The following PAX7 variants were observed in gnomAD, a reference collection of about 807,000 sequenced individuals.
PAX7 encodes paired box 7.
A neutral mutation model predicts 50.7 loss-of-function variants in PAX7; 18 were observed. The ratio of observed to expected loss-of-function variants is 0.36; its 90% confidence interval spans 0.25 to 0.53. PAX7 has a LOEUF of 0.53. Among genes scored for constraint, PAX7 ranks in the 20% least tolerant of loss-of-function variants. The pLI is 0.93. For synonymous variants in PAX7, 310 were observed against 290.4 expected (o/e 1.07, Z -0.69); for missense variants, 644 against 702.9 (o/e 0.92, Z 0.95).
chr1:18,722,584 GT>G (rs2089508598), intron 7 of PAX7, among the ~76,000 whole-genome samples: 1 of 152,206 alleles, frequency 6.6e-6, no homozygotes, highest in South Asian at 2.1e-4. Context: ...GAAGATATTT[GT>G]TTTGTAAAGA....
intron 7 of PAX7, among the ~76,000 whole-genome samples, chr1:18,725,707 C>A (rs945852305): frequency 6.6e-6 from 1 of 152,238 alleles, no homozygotes; most frequent in Non-Finnish European, 1.5e-5. Context: ...TCCCCCCGAG[C>A]CTCGCCGCTC....
At chr1:18,723,729 A>G (rs1570229630) in intron 7 of PAX7, among the ~76,000 whole-genome samples, 1 of 152,202 alleles carries the variant, frequency 6.6e-6, no homozygotes, top group East Asian at 1.9e-4. Flanking sequence ...GGGGGACCCA[A>G]ATGCTTTCTT....
intron 7 of PAX7, among the ~76,000 whole-genome samples, chr1:18,728,057 G>T (rs946109161): frequency 3.9e-5 from 6 of 152,186 alleles, no homozygotes; most frequent in African/African-American, 7.2e-5. Flanking sequence ...GTAATTTCTG[G>T]CTTGCACTAA....
At chr1:18,640,885 T>C (rs1440536836) in intron 4 of PAX7, among the ~76,000 whole-genome samples, 1 of 114,014 alleles carries the variant, frequency 8.8e-6, no homozygotes, top group Non-Finnish European at 1.8e-5. Context: ...CGTGCGGAGC[T>C]GGGAACGTCC....
At chr1:18,670,265 TC>T (rs1194391438) in intron 4 of PAX7, among the ~76,000 whole-genome samples, 1 of 152,180 alleles carries the variant, frequency 6.6e-6, no homozygotes, top group Non-Finnish European at 1.5e-5. Context: ...TAGCTTGGTG[TC>T]CAGCAAATGA....
intron 4 of PAX7, among the ~76,000 whole-genome samples, chr1:18,686,379 A>C (rs1183360958): frequency 6.6e-6 from 1 of 152,184 alleles, no homozygotes; most frequent in African/African-American, 2.4e-5. Flanking sequence ...CCCTGGGACC[A>C]TCCCATTCCT....
Position 18,700,990 on chromosome 1 carries a change from G to C in PAX7, c.952+172G>C, listed in dbSNP as rs2089211924. 6.6e-6 allele frequency among the ~76,000 whole-genome samples: 1 copy of C among 152,138 alleles called. No individual in the cohort carries two copies. The highest frequency in any genetic ancestry group is 2.1e-4 in the South Asian group (1 of 4,824). On this transcript the variant is annotated intron_variant, in intron 6 of 8. Transcript: ENST00000420770. This position sits in a 1 kb window ranked among gnomAD's most constrained non-coding sequence, Gnocchi z 4.8. Reference sequence around the variant, plus strand: ...CCTTGAAATTCTTGGCCCTGACACAGAGCAGCCAGGTGGGATCCCCAAGGC... The same window carrying C: ...CCTTGAAATTCTTGGCCCTGACACACAGCAGCCAGGTGGGATCCCCAAGGC...
chr1:18,642,691 G>A (rs2088274266), intron 4 of PAX7, among the ~76,000 whole-genome samples: 2 of 151,894 alleles, frequency 1.3e-5, no homozygotes, highest in East Asian at 1.9e-4. Context: ...TGGGGTCAGC[G>A]CTTTCTGACC....
At chr1:18,727,379 C>T (rs879840241) in intron 7 of PAX7, among the ~76,000 whole-genome samples, 29,959 of 129,238 alleles carry the variant, frequency 0.23, 3,048 homozygotes, top group Middle Eastern at 0.34. Context: ...CATACACACA[C>T]ACACACACAC....
chr1:18,722,761 G>A (rs1358474350), intron 7 of PAX7, among the ~76,000 whole-genome samples: 1 of 152,144 alleles, frequency 6.6e-6, no homozygotes, highest in Non-Finnish European at 1.5e-5. Flanking sequence ...TGGAGAAAGA[G>A]CTCCTGGGTC....
Position 18,671,017 on chromosome 1 carries a change from C to T in PAX7, c.587-20737C>T, listed in dbSNP as rs552788765. 7.5e-4 allele frequency among the ~76,000 whole-genome samples: 114 copies of T among 152,280 alleles called. 2 individuals carry two copies. The highest frequency in any genetic ancestry group is 7.1e-3 in the Admixed American group (109 of 15,302). On this transcript the variant is annotated intron_variant, in intron 4 of 8. Transcript: ENST00000420770. ...AAACACATCTCAAAGCCTGGCAAAC[C>T]GCTTGGCTCCCAGCACCCCATACCC...
At chr1:18,744,129 T>C (rs2100420309) in intron 8 of PAX7, among the ~76,000 whole-genome samples, 1 of 152,264 alleles carries the variant, frequency 6.6e-6, no homozygotes, top group South Asian at 2.1e-4. Flanking sequence ...CACAGCCACT[T>C]TGGCCTCGCA....
At chr1:18,686,142 G>A (rs887624343) in intron 4 of PAX7, among the ~76,000 whole-genome samples, 1 of 152,198 alleles carries the variant, frequency 6.6e-6, no homozygotes, top group Non-Finnish European at 1.5e-5. Context: ...CACTGGACTG[G>A]AAAATCCCCA....
intron 4 of PAX7, among the ~76,000 whole-genome samples, chr1:18,662,332 G>A (rs2088611898): frequency 1.3e-5 from 2 of 152,294 alleles, no homozygotes; most frequent in Non-Finnish European, 1.5e-5. Flanking sequence ...TGGAGAATGC[G>A]CGGGGCAATG....
chr1:18,645,046 TTTG>T (rs1421092004), intron 4 of PAX7, among the ~76,000 whole-genome samples: 4 of 152,076 alleles, frequency 2.6e-5, no homozygotes, highest in Non-Finnish European at 5.9e-5. Context: ...TCGTTATGTG[TTTG>T]TTGTGTGTTT....
At chr1:18,652,801 C>T (rs2088453798) in intron 4 of PAX7, among the ~76,000 whole-genome samples, 1 of 152,196 alleles carries the variant, frequency 6.6e-6, no homozygotes, top group Non-Finnish European at 1.5e-5. Context: ...GCAGGGCCAT[C>T]TCACTGGACA....
intron 8 of PAX7, among the ~76,000 whole-genome samples, chr1:18,741,005 T>C (rs1931100393): frequency 6.6e-6 from 1 of 151,856 alleles, no homozygotes; most frequent in Non-Finnish European, 1.5e-5. Flanking sequence ...GGGAGGGAGA[T>C]GAAGAGAGGT....
intron 4 of PAX7, among the ~76,000 whole-genome samples, chr1:18,659,485 G>T (rs946761952): frequency 6.6e-6 from 1 of 152,148 alleles, no homozygotes; most frequent in African/African-American, 2.4e-5. Context: ...TGTCCCTAAT[G>T]ATCATGGTGT....
chr1:18,730,912 G>T (rs1255814309), intron 7 of PAX7, among the ~76,000 whole-genome samples: 1 of 151,896 alleles, frequency 6.6e-6, no homozygotes, highest in Non-Finnish European at 1.5e-5. Context: ...GGTTGGGGGT[G>T]GGGTAGGGGC....
Sources: allele counts gnomAD v4.1 joint callset (sites outside exome capture counted in the v4.1 genomes callset), GRCh38; gene constraint gnomAD v4.1.1; non-coding constraint Gnocchi (gnomAD v3.1); transcripts MANE v1.5; gene names NCBI Gene and HGNC (gene_info 2026-07-23, HGNC 2026-07-21).